SPART: variants seen among roughly 807,000 people sequenced by gnomAD.
The protein encoded by SPART is spastic paraplegia 20 (Troyer syndrome).
A neutral mutation model predicts 58.7 loss-of-function variants in SPART; 35 were observed. The ratio of observed to expected loss-of-function variants is 0.60; its 90% CI spans 0.46 to 0.79. The LOEUF (loss-of-function observed/expected upper bound fraction) is 0.79, where lower values mean the gene tolerates loss of function less well. SPART is among the 30% of genes least tolerant of loss of function. The probability of loss-of-function intolerance (pLI) is 0.00; values close to 1 mark genes in which losing one functional copy is unlikely to be tolerated. For missense variants in SPART, 730 were observed against 786.1 expected (o/e 0.93, Z 0.85); for synonymous variants, 284 against 280.7 (o/e 1.01, Z -0.12).
upstream of SPART, among the ~76,000 whole-genome samples, chr13:36,348,431 CTAT>C (rs1255847107): frequency 6.6e-6 from 1 of 152,180 alleles, no homozygotes; most frequent in African/African-American, 2.4e-5. Context: ...TGTAGAATTT[CTAT>C]ACACAAAATT....
intron 1 of SPART, among the ~76,000 whole-genome samples, chr13:36,337,443 G>T (rs1593268307): frequency 6.6e-6 from 1 of 152,294 alleles, no homozygotes; most frequent in East Asian, 1.9e-4. Flanking sequence ...GATCATGGGG[G>T]CAGTTTGCCC....
Position 36,302,055 on chromosome 13 carries a change from G to A in SPART, c.*2310C>T, listed in dbSNP as rs545733047. 6 of 152,208 alleles carry A rather than the reference G, an allele frequency of 3.9e-5. No individual in the cohort carries two copies. The highest frequency in any genetic ancestry group is 8.8e-5 in the Non-Finnish European group (6 of 68,022). The allele number at this position is 152,208 out of a possible 1,614,324, so 9.4% of individuals were successfully genotyped here. On this transcript the variant is annotated 3_prime_UTR_variant, in exon 9 of 9. Transcript: ENST00000438666. ...AAAGCTTCAAAAAATGAAACAGTATGTTTGGAGAACATACATGTGTGATTA... is the reference window on the plus strand; with the variant it reads ...AAAGCTTCAAAAAATGAAACAGTATATTTGGAGAACATACATGTGTGATTA...
intron 1 of SPART, chr13:36,365,528 TG>T: frequency 2.6e-6 from 1 of 378,768 alleles, no homozygotes; most frequent in South Asian, 2.2e-5. Context: ...TCTCTCTTCC[TG>T]GATTTCTTCT....
At chr13:36,346,699 CG>C (rs1885160750), upstream of SPART, 1 of 139,434 alleles carries the variant, frequency 7.2e-6, no homozygotes, top group Non-Finnish European at 1.6e-5. Flanking sequence ...CGCGAGTCAG[CG>C]GCCCCGCGCA....
intron 1 of SPART, chr13:36,369,715 C>G (rs767956755): frequency 1.3e-5 from 2 of 152,244 alleles, no homozygotes; most frequent in Non-Finnish European, 2.9e-5. Flanking sequence ...CTCTCTCTTT[C>G]ATCTGCTTTA....
intron 1 of SPART, among the ~76,000 whole-genome samples, chr13:36,352,538 G>A (rs1885457306): frequency 6.6e-6 from 1 of 152,112 alleles, no homozygotes; most frequent in South Asian, 2.1e-4. Context: ...CAAGGACACA[G>A]GCAAAATCAG....
Position 36,329,489 on chromosome 13 carries a change from T to C in SPART, c.1037A>G (p.Asn346Ser), listed in dbSNP as rs777598423. 2 of 1,614,178 alleles carry C rather than the reference T, an allele frequency of 1.2e-6. No individual in the cohort carries two copies. The highest frequency in any genetic ancestry group is 1.7e-6 in the Non-Finnish European group (2 of 1,180,012). ...AGTTCTTCCAGGGATTTGGAATTCA[T>C]TTTCTTCTTCTGCTCTGTTCCAGTT... ...QANWNRAEEE[N>S]EFQIPGRTRP... is the part of the protein sequence containing the mutation. The change falls in exon 4 of 9, where the codon AAT (asparagine) becomes AGT (serine). Residue 346 changes from asparagine to serine, a missense_variant. Physicochemically the swap from Asn to Ser is conservative, Grantham distance 46. Coordinates refer to ENST00000438666, the MANE Select transcript of SPART (RefSeq NM_015087.5).
At chr13:36,312,585 A>G (rs765065952) in intron 6 of SPART, 108 bp from the exon 7 acceptor site, 118 of 1,185,048 alleles carry the variant, frequency 1.0e-4, no homozygotes, top group Non-Finnish European at 1.3e-4. Flanking sequence ...GTTTTACTAT[A>G]TAATGTTACA....
intron 4 of SPART, among the ~76,000 whole-genome samples, chr13:36,327,103 A>C (rs1883007530): frequency 6.6e-6 from 1 of 152,232 alleles, no homozygotes; most frequent in Admixed American, 6.5e-5. Flanking sequence ...TGAATTCATA[A>C]ACTGGTTTTG....
upstream of SPART, among the ~76,000 whole-genome samples, chr13:36,347,118 G>A (rs549670541): frequency 1.3e-4 from 20 of 151,670 alleles, no homozygotes; most frequent in African/African-American, 4.6e-4. Flanking sequence ...TATTGTAGAT[G>A]ACAGACTCTT....
intron 1 of SPART, among the ~76,000 whole-genome samples, chr13:36,338,585 T>A (rs1884252037): frequency 6.6e-6 from 1 of 152,184 alleles, no homozygotes; most frequent in South Asian, 2.1e-4. Flanking sequence ...GGACGCTGTT[T>A]CTCTACAGCC....
At chr13:36,311,196 C>T (rs766195252) in intron 8 of SPART, among the ~76,000 whole-genome samples, 5 of 152,272 alleles carry the variant, frequency 3.3e-5, no homozygotes, top group South Asian at 4.1e-4. Context: ...TCCTGTGAAA[C>T]GCACACTGAA....
intron 1 of SPART, among the ~76,000 whole-genome samples, chr13:36,362,756 C>T (rs1885913443): frequency 6.6e-6 from 1 of 151,570 alleles, no homozygotes; most frequent in Admixed American, 6.6e-5. Flanking sequence ...TAGCCCAAAA[C>T]CAACAGCAAG....
chr13:36,321,181 A>G (rs1044790610), intron 5 of SPART, among the ~76,000 whole-genome samples: 7 of 152,032 alleles, frequency 4.6e-5, no homozygotes, highest in Middle Eastern at 3.2e-3. Flanking sequence ...TGTCATCCCT[A>G]CTATCTTCTG....
chr13:36,314,312 G>C lies in SPART; in HGVS notation c.1398C>G (p.Pro466=), dbSNP rs374537898. Residue 466 remains proline (P), a synonymous_variant, in exon 6 of 9, where the codon CCC becomes CCG. Coordinates refer to ENST00000438666, the MANE Select transcript of SPART (RefSeq NM_015087.5). The part of the protein sequence containing the change: ...LRERIQPEEK[P]VEVSPAVTKG... The stretch of plus-strand genomic sequence containing the variant: ...TGGTGACAGCTGGACTAACTTCCAC[G>C]GGTTTTTCTTCTGGTTGAATCCGCT... 1 of 1,614,038 alleles carries C rather than the reference G, an allele frequency of 6.2e-7. No individual in the cohort carries two copies. The highest frequency in any genetic ancestry group is 8.5e-7 in the Non-Finnish European group (1 of 1,179,994).
At chr13:36,325,616 A>G (rs1160461284) in intron 5 of SPART, among the ~76,000 whole-genome samples, 1 of 152,212 alleles carries the variant, frequency 6.6e-6, no homozygotes, top group Non-Finnish European at 1.5e-5. Flanking sequence ...AAAGGTATAA[A>G]TCAGAGAGTT....
Position 36,335,688 on chromosome 13 carries a change from T to G in SPART, c.143A>C (p.Gln48Pro), listed in dbSNP as rs1883937495. The G allele has an allele frequency of 6.2e-7, 1 of 1,614,050 alleles. No homozygotes were observed. The highest frequency in any genetic ancestry group is 1.3e-5 in the African/African-American group (1 of 74,914). Residue 48 changes from glutamine to proline, a missense_variant, in exon 2 of 9, where the codon CAA becomes CCA. Physicochemically the swap from Gln to Pro is moderately conservative, Grantham distance 76. Transcript: ENST00000438666. Reference protein sequence around the residue: ...QKEEAKNYYKQGIGHLLRGIS... With the variant: ...QKEEAKNYYKPGIGHLLRGIS... The stretch of plus-strand genomic sequence containing the variant: ...CCCTCTGAGCAGGTGTCCTATTCCT[T>G]GCTTATAGTAGTTCTTTGCTTCTTC...
chr13:36,362,308 C>T (rs1440219171), intron 1 of SPART, among the ~76,000 whole-genome samples: 4 of 149,808 alleles, frequency 2.7e-5, no homozygotes, highest in East Asian at 2.0e-4. Flanking sequence ...GCTGCAATTA[C>T]GCCACTGCAC....
chr13:36,321,555 C>G lies in SPART; in HGVS notation c.1288+5020G>C, dbSNP rs1423530436. ...AACAACCCCACAATATCACCCCTTA[C>G]CACAAGACCTCCCTTCAGCTTAATC... is the stretch of plus-strand genomic sequence containing the variant. On this transcript the variant is annotated intron_variant, in intron 5 of 8. Coordinates refer to ENST00000438666, the MANE Select transcript of SPART (RefSeq NM_015087.5). 1.8e-4 allele frequency among the ~76,000 whole-genome samples: 28 copies of G among 152,078 alleles called. 1 individual carries two copies. Among genetic ancestry groups the G allele is most frequent in the Admixed American group, 1.8e-3 (27 of 15,252 alleles).
Sources: gnomAD v4.1 joint callset for allele counts (sites outside exome capture counted in the v4.1 genomes callset) on GRCh38, gnomAD v4.1.1 for gene constraint, MANE v1.5 for transcripts, NCBI Gene and HGNC (gene_info 2026-07-23, HGNC 2026-07-21) for gene names.